Variants in CAVIN4 observed in about 807,000 individuals in gnomAD.
CAVIN4 encodes caveolae-associated protein 4.
A neutral mutation model predicts 18.6 loss-of-function variants in CAVIN4; 10 were observed. The ratio of observed to expected loss-of-function variants is 0.54; its 90% CI spans 0.33 to 0.91. The LOEUF (loss-of-function observed/expected upper bound fraction) is 0.91. Among genes scored for constraint, CAVIN4 ranks in the 40% least tolerant of loss-of-function variants. The probability of loss-of-function intolerance (pLI) is 0.02; values close to 1 mark genes in which losing one functional copy is unlikely to be tolerated. For synonymous variants in CAVIN4, 173 were observed against 164.8 expected (o/e 1.05, Z -0.38); for missense variants, 459 against 440.5 (o/e 1.04, Z -0.38).
At chr9:100,578,044 A>G, upstream of CAVIN4, 1 of 1,244,010 alleles carries the variant, frequency 8.0e-7, no homozygotes, top group Non-Finnish European at 1.2e-6. Context: ...GGGGTTTCCA[A>G]CTCTTTAAAC....
rs1410261287 is a variant in CAVIN4, at chr9:100,578,385, A to G, written c.242A>G (p.Asn81Ser). ...TTGAAGCTTTCACAGTCGCATAGCA[A>G]TACAGGGCATATCATTAACAAATTG... Reference protein sequence around the residue: ...DLLKLSQSHSNTGHIINKLFE... With the variant: ...DLLKLSQSHSSTGHIINKLFE... The change falls in exon 1 of 2, where the codon AAT (asparagine) becomes AGT (serine). Residue 81 changes from asparagine (N) to serine (S), a missense_variant. Asn to Ser is a conservative substitution (Grantham distance 46). Coordinates refer to ENST00000307584, the MANE Select transcript of CAVIN4 (RefSeq NM_001018116.2). 1.2e-6 allele frequency: 2 copies of G among 1,614,198 alleles called. No homozygotes were observed. The highest frequency in any genetic ancestry group is 2.2e-5 in the South Asian group (2 of 91,088).
upstream of CAVIN4, chr9:100,577,992 T>C (rs764982122): frequency 1.6e-5 from 11 of 676,920 alleles, no homozygotes; most frequent in Non-Finnish European, 2.5e-5. Flanking sequence ...CAGTCACATA[T>C]GGGTATTTGT....
Position 100,586,541 on chromosome 9 carries a change from G to A in CAVIN4, c.*90G>A. The A allele has an allele frequency of 2.2e-6, 2 of 898,498 alleles. No individual in the cohort carries two copies. The highest frequency in any genetic ancestry group is 3.3e-6 in the Non-Finnish European group (2 of 601,964). 55.7% of individuals were successfully genotyped at this position (898,498 alleles called of 1,614,324 possible). On this transcript the variant is annotated 3_prime_UTR_variant, in exon 2 of 2. Coordinates refer to ENST00000307584, the MANE Select transcript of CAVIN4 (RefSeq NM_001018116.2). ...GTCGTCTACATTTCTGTGCCATGTAGGAAAACATAAATGTATTTTTTTTCT... is the reference window on the plus strand; with the variant it reads ...GTCGTCTACATTTCTGTGCCATGTAAGAAAACATAAATGTATTTTTTTTCT...
chr9:100,585,201 G>C (rs963606739), intron 1 of CAVIN4, among the ~76,000 whole-genome samples: 1 of 152,152 alleles, frequency 6.6e-6, no homozygotes, highest in Admixed American at 6.5e-5. Context: ...CATTGGTAGA[G>C]GGAATGAAGA....
At chr9:100,581,698 G>A (rs978438933) in intron 1 of CAVIN4, among the ~76,000 whole-genome samples, 2 of 152,192 alleles carry the variant, frequency 1.3e-5, no homozygotes, top group African/African-American at 4.8e-5. Context: ...AGGAGGGTAT[G>A]TGATTCCTGG....
rs778765020 is a variant in CAVIN4, at chr9:100,578,126, C to T, written c.-18C>T. ...AATTGATTGTGGTTAGGACATCTTA[C>T]GCTGAGAAATAAATAAAATGGAACA... On this transcript the variant is annotated 5_prime_UTR_variant, in exon 1 of 2. It adds an upstream start codon to the 5' untranslated region. Coordinates refer to ENST00000307584, the MANE Select transcript of CAVIN4 (RefSeq NM_001018116.2). 76 of 1,612,674 alleles carry T rather than the reference C, an allele frequency of 4.7e-5. 1 individual carries two copies. In the East Asian group the frequency reaches 8.9e-4, roughly 19 times the overall value.
rs745781742 is a variant in CAVIN4 at position 100,578,227 on chromosome 9, C to T, written c.84C>T (p.Asp28=). 1.5e-5 allele frequency: 25 copies of T among 1,613,784 alleles called. No homozygotes were observed. The East Asian group carries it at 1.8e-4, about 12-fold the overall frequency. ...GTGTTACAGAAGATGAAGACCAAGACGCTGCTCTTACCATTGTGACTGTGC... is the reference window on the plus strand; with the variant it reads ...GTGTTACAGAAGATGAAGACCAAGATGCTGCTCTTACCATTGTGACTGTGC... ...LSSVTEDEDQ[D]AALTIVTVLD... is the part of the protein sequence containing the mutation. Residue 28 remains aspartate (D), a synonymous_variant, in exon 1 of 2, where the codon GAC becomes GAT. Transcript: ENST00000307584.
Position 100,578,134 on chromosome 9 carries a change from A to T in CAVIN4, c.-10A>T, listed in dbSNP as rs369755712. 1.7e-5 allele frequency: 27 copies of T among 1,613,528 alleles called. No individual in the cohort carries two copies. In the African/African-American group the frequency reaches 3.5e-4, roughly 21 times the overall value. Reference sequence around the variant, plus strand: ...GTGGTTAGGACATCTTACGCTGAGAAATAAATAAAATGGAACATAATGGGT... The same window carrying T: ...GTGGTTAGGACATCTTACGCTGAGATATAAATAAAATGGAACATAATGGGT... On this transcript the variant is annotated 5_prime_UTR_variant, in exon 1 of 2. Coordinates refer to ENST00000307584, the MANE Select transcript of CAVIN4 (RefSeq NM_001018116.2).
Position 100,578,285 on chromosome 9 carries a change from C to T in CAVIN4, c.142C>T (p.Gln48Ter), listed in dbSNP as rs760175950. The T allele has an allele frequency of 1.2e-6, 2 of 1,613,886 alleles. No homozygotes were observed. Among genetic ancestry groups the T allele is most frequent in the African/African-American group, 2.7e-5 (2 of 74,892 alleles). Residue 48 changes from glutamine to a stop codon, truncating the protein, a stop_gained, in exon 1 of 2, where the codon CAG becomes TAG. Transcript: ENST00000307584. LOFTEE classifies it high-confidence loss of function. ...DKVASIVDSVQASQKRIEERH... is the reference protein window; with the variant it reads ...DKVASIVDSV ...AGTAGCCTCCATCGTGGACAGTGTG[C>T]AGGCAAGCCAGAAGAGAATAGAAGA...
At chr9:100,582,630 G>C (rs947095119) in intron 1 of CAVIN4, among the ~76,000 whole-genome samples, 1 of 152,084 alleles carries the variant, frequency 6.6e-6, no homozygotes, top group African/African-American at 2.4e-5. Flanking sequence ...ACTGCACCCA[G>C]CCCCTCCCTT....
chr9:100,583,533 T>A (rs761367505), intron 1 of CAVIN4, among the ~76,000 whole-genome samples: 1 of 152,192 alleles, frequency 6.6e-6, no homozygotes, highest in Non-Finnish European at 1.5e-5. Context: ...CTGCTTCTTT[T>A]CTTGCCCCTA....
At chr9:100,580,958 G>A (rs2118604492) in intron 1 of CAVIN4, 1 of 152,246 alleles carries the variant, frequency 6.6e-6, no homozygotes. Flanking sequence ...CATAGTTAAG[G>A]TATATAAATG....
intron 1 of CAVIN4, among the ~76,000 whole-genome samples, chr9:100,584,829 A>T (rs1157624694): frequency 1.3e-5 from 2 of 152,176 alleles, no homozygotes; most frequent in African/African-American, 4.8e-5. Context: ...CAGCCTGAGT[A>T]ATATAGTGAG....
chr9:100,585,714 C>T (rs1459548774), intron 1 of CAVIN4, 51 bp from the exon 2 acceptor site: 1 of 1,426,718 alleles, frequency 7.0e-7, no homozygotes, highest in Middle Eastern at 1.7e-4. Context: ...AAAAGAGCTG[C>T]TCTATAGTGC....
At chr9:100,580,332 G>A (rs1267595649) in intron 1 of CAVIN4, among the ~76,000 whole-genome samples, 1 of 152,090 alleles carries the variant, frequency 6.6e-6, no homozygotes. Context: ...TCAGTCACCT[G>A]ATTTTCAGAG....
At chr9:100,581,956 T>C (rs1839434858) in intron 1 of CAVIN4, among the ~76,000 whole-genome samples, 1 of 152,182 alleles carries the variant, frequency 6.6e-6, no homozygotes, top group Admixed American at 6.5e-5. Context: ...GACTCTCTAA[T>C]CCTATAGCCA....
At chr9:100,577,222 T>C (rs1351800131), upstream of CAVIN4, 1 of 152,618 alleles carries the variant, frequency 6.6e-6, no homozygotes, top group African/African-American at 2.4e-5. Flanking sequence ...AAAGTAGATA[T>C]AGATATTGTG....
intron 1 of CAVIN4, among the ~76,000 whole-genome samples, chr9:100,584,249 G>C (rs903817684): frequency 6.6e-6 from 1 of 152,128 alleles, no homozygotes; most frequent in African/African-American, 2.4e-5. Context: ...TCTCACCTTA[G>C]TGTATATCTT....
At chr9:100,579,969 G>A (rs1398197849) in intron 1 of CAVIN4, among the ~76,000 whole-genome samples, 2 of 152,034 alleles carry the variant, frequency 1.3e-5, no homozygotes, top group African/African-American at 4.8e-5. Context: ...AAAAGTAATA[G>A]GAGAGTGAAG....
Sources: allele counts gnomAD v4.1 joint callset (sites outside exome capture counted in the v4.1 genomes callset), GRCh38; gene constraint gnomAD v4.1.1; transcripts MANE v1.5; gene names NCBI Gene and HGNC (gene_info 2026-07-23, HGNC 2026-07-21).